The following RAVER2 variants were observed in gnomAD, a reference collection of about 807,000 sequenced individuals.
RAVER2 encodes ribonucleoprotein PTB-binding 2.
Under a neutral mutation model 78.1 loss-of-function variants are expected in RAVER2, and 46 were observed. That is an observed-to-expected ratio of 0.59 (90% CI 0.46 to 0.75). The LOEUF (loss-of-function observed/expected upper bound fraction) is 0.75. Ranked by LOEUF, RAVER2 falls within the 30% of genes least tolerant of loss-of-function variation. RAVER2 has a pLI of 0.00. For missense variants in RAVER2, 793 were observed against 837.5 expected, an observed-to-expected ratio of 0.95 and a Z score of 0.66; for synonymous variants, 311 against 313.3, an observed-to-expected ratio of 0.99 and a Z score of 0.08.
intron 4 of RAVER2, among the ~76,000 whole-genome samples, chr1:64,782,933 A>G (rs911194253): frequency 6.6e-6 from 1 of 151,738 alleles, no homozygotes; most frequent in Non-Finnish European, 1.5e-5. Flanking sequence ...TCCTGTGTCC[A>G]TGTGTTCTCA....
intron 11 of RAVER2, among the ~76,000 whole-genome samples, chr1:64,827,163 T>C (rs1654021517): frequency 6.6e-6 from 1 of 152,174 alleles, no homozygotes; most frequent in Non-Finnish European, 1.5e-5. Flanking sequence ...TGAGGGTAAG[T>C]AAAGACACCA....
At chr1:64,830,506 G>T (rs975716246) in intron 11 of RAVER2, among the ~76,000 whole-genome samples, 1 of 152,182 alleles carries the variant, frequency 6.6e-6, no homozygotes, top group East Asian at 1.9e-4. Flanking sequence ...CTGACATTCG[G>T]TGTTGATATT....
rs1316630166 is a variant in RAVER2, at chr1:64,745,287, G to C, written c.115G>C (p.Glu39Gln). 6.9e-7 allele frequency: 1 copy of C among 1,455,030 alleles called. No homozygotes were observed. The highest frequency in any genetic ancestry group is 9.1e-7 in the Non-Finnish European group (1 of 1,098,742). The allele number at this position is 1,455,030 out of a possible 1,614,324, so 90.1% of individuals were successfully genotyped here. ...GCAGGGCCCCTCAGCCGAAGCGCAC[G>C]AGGGCGCCCCGGACCCGATGCCCGC... The change falls in exon 1 of 12, where the codon GAG becomes CAG. Residue 39 changes from glutamate (E) to glutamine (Q), a missense_variant. Transcript: ENST00000294428. This position sits in a 1 kb window ranked among gnomAD's most constrained non-coding sequence, Gnocchi z 4.3.
intron 11 of RAVER2, among the ~76,000 whole-genome samples, chr1:64,817,738 C>G (rs1653787993): frequency 7.3e-6 from 1 of 136,068 alleles, no homozygotes; most frequent in African/African-American, 2.9e-5. Flanking sequence ...GAACGTCACA[C>G]ACTGGGGCCT....
intron 5 of RAVER2, among the ~76,000 whole-genome samples, chr1:64,791,758 T>C (rs1652948215): frequency 1.3e-5 from 2 of 152,208 alleles, no homozygotes; most frequent in Admixed American, 1.3e-4. Flanking sequence ...GGTTTGACAG[T>C]TTCAGTTACT....
chr1:64,794,984 A>C (rs1442385072), intron 5 of RAVER2, among the ~76,000 whole-genome samples: 3 of 151,864 alleles, frequency 2.0e-5, no homozygotes, highest in Non-Finnish European at 2.9e-5. Context: ...TTTTGAGTTA[A>C]TTTTAGTTTG....
exon 9 of RAVER2, chr1:64,807,263 T>A: frequency 6.2e-7 from 1 of 1,614,212 alleles, no homozygotes; most frequent in Middle Eastern, 1.7e-4. Flanking sequence ...ATGTTACCAT[T>A]CTTTCCAAAT....
At chr1:64,807,509 T>TAC in intron 9 of RAVER2, 35 bp downstream of exon 9, 11 of 1,590,678 alleles carry the variant, frequency 6.9e-6, no homozygotes, top group Non-Finnish European at 9.5e-6. Flanking sequence ...GATGTATATA[T>TAC]ACATGTATAT....
chr1:64,831,906 T>C (rs1164960453), exon 12 of RAVER2: 1 of 152,222 alleles, frequency 6.6e-6, no homozygotes, highest in African/African-American at 2.4e-5. Context: ...CAGAACTGAT[T>C]AGCTTCAACA....
chr1:64,760,722 A>C (rs528456142), intron 1 of RAVER2, among the ~76,000 whole-genome samples: 27 of 152,110 alleles, frequency 1.8e-4, no homozygotes, highest in Non-Finnish European at 3.8e-4. Flanking sequence ...CAGAAAGTAA[A>C]ATTATATTGT....
chr1:64,813,068 C>G (rs1653664161), intron 10 of RAVER2, among the ~76,000 whole-genome samples: 1 of 152,126 alleles, frequency 6.6e-6, no homozygotes, highest in Non-Finnish European at 1.5e-5. Flanking sequence ...AGTCATTTTT[C>G]TTAACCAGAA....
intron 1 of RAVER2, among the ~76,000 whole-genome samples, chr1:64,757,805 A>G (rs1557582444): frequency 6.6e-6 from 1 of 152,226 alleles, no homozygotes; most frequent in Non-Finnish European, 1.5e-5. Flanking sequence ...TTATATTTCT[A>G]TTGAAAGTAA....
chr1:64,770,269 A>G (rs1266199545), intron 2 of RAVER2, among the ~76,000 whole-genome samples: 1 of 152,048 alleles, frequency 6.6e-6, no homozygotes, highest in African/African-American at 2.4e-5. Context: ...CAGCTCACAT[A>G]GAGCCAGGAA....
At chr1:64,818,191 T>G (rs310238) in intron 11 of RAVER2, among the ~76,000 whole-genome samples, 73,794 of 152,054 alleles carry the variant, frequency 0.49, 20,623 homozygotes, top group African/African-American at 0.78. Flanking sequence ...GGCATTTCCA[T>G]TATTGATGTT....
At chr1:64,788,616 C>A (rs1021206207) in intron 4 of RAVER2, among the ~76,000 whole-genome samples, 1 of 151,718 alleles carries the variant, frequency 6.6e-6, no homozygotes, top group Admixed American at 6.6e-5. Context: ...CATGGTGAAA[C>A]CCCGTCTCCA....
At chr1:64,791,610 G>A (rs183025233) in intron 5 of RAVER2, among the ~76,000 whole-genome samples, 15 of 152,250 alleles carry the variant, frequency 9.9e-5, no homozygotes, top group Admixed American at 9.2e-4. Context: ...GTAAGAAGCA[G>A]CTTTGGTAGT....
intron 9 of RAVER2, among the ~76,000 whole-genome samples, chr1:64,807,860 G>C (rs1653487951): frequency 6.6e-6 from 1 of 152,002 alleles, no homozygotes. Flanking sequence ...AAAAATACTT[G>C]CTATTTTAAA....
chr1:64,780,068 A>C (rs1652586759), intron 3 of RAVER2, among the ~76,000 whole-genome samples: 1 of 151,906 alleles, frequency 6.6e-6, no homozygotes, highest in South Asian at 2.1e-4. Context: ...CATTATAATG[A>C]AATAGAATAG....
Position 64,745,528 on chromosome 1 carries a change from G to A in RAVER2, c.249+107G>A, listed in dbSNP as rs1455767265. ...TCAGAGCGGTCCTGGGGAGTGGGTC[G>A]GCGCCGAGTGGTGAGAGCGGCCCCT... On this transcript the variant is annotated intron_variant, in intron 1 of 11. Coordinates refer to ENST00000294428, the Ensembl canonical transcript of RAVER2. This position sits in a 1 kb window ranked among gnomAD's most constrained non-coding sequence, Gnocchi z 4.3. 1 of 1,289,738 alleles carries A rather than the reference G, an allele frequency of 7.8e-7. No individual in the cohort carries two copies. The allele number at this position is 1,289,738 out of a possible 1,614,324, so 79.9% of individuals were successfully genotyped here. A position where few individuals can be genotyped will look rare whatever the true frequency, so the allele number is the denominator to read the frequency against.
Sources: allele counts gnomAD v4.1 joint callset (sites outside exome capture counted in the v4.1 genomes callset), GRCh38; gene constraint gnomAD v4.1.1; non-coding constraint Gnocchi (gnomAD v3.1); transcripts MANE v1.5; gene names NCBI Gene and HGNC (gene_info 2026-07-23, HGNC 2026-07-21).